The following ARHGAP15 variants were observed in gnomAD, a reference collection of about 807,000 sequenced individuals.
The protein encoded by ARHGAP15 is rho GTPase-activating protein 15.
A neutral mutation model predicts 63.7 loss-of-function variants in ARHGAP15; 51 were observed. The ratio of observed to expected loss-of-function variants is 0.80; its 90% CI spans 0.64 to 1.01. The LOEUF is 1.01. ARHGAP15 is among the 50% of genes least tolerant of loss of function. ARHGAP15 has a pLI of 0.00. For missense variants in ARHGAP15, 560 were observed against 564.6 expected, an observed-to-expected ratio of 0.99 and a Z score of 0.08; for synonymous variants, 191 against 193.8, an observed-to-expected ratio of 0.99 and a Z score of 0.12.
chr2:143,284,277 G>T (rs767554458), intron 6 of ARHGAP15, among the ~76,000 whole-genome samples: 1 of 152,122 alleles, frequency 6.6e-6, no homozygotes, highest in Non-Finnish European at 1.5e-5. Context: ...TTTACTCAGC[G>T]CCACCTAATG....
intron 11 of ARHGAP15, among the ~76,000 whole-genome samples, chr2:143,605,534 A>G (rs1697954112): frequency 6.6e-6 from 1 of 152,134 alleles, no homozygotes; most frequent in African/African-American, 2.4e-5. Flanking sequence ...AAAACAAGAC[A>G]GATACCCCAG....
chr2:143,359,214 T>G lies in ARHGAP15; in HGVS notation c.475-76387T>G, dbSNP rs568832252. On this transcript the variant is annotated intron_variant, in intron 6 of 13. Transcript: ENST00000295095. ...AGTCCTCATTATCTTAGGCAATACTTTTTTCTTGCAAATGATTCTTAGGCA... is the reference window on the plus strand; with the variant it reads ...AGTCCTCATTATCTTAGGCAATACTGTTTTCTTGCAAATGATTCTTAGGCA... Among the ~76,000 whole-genome samples, 3 of 152,288 alleles carry G rather than the reference T, an allele frequency of 2.0e-5. No homozygotes were observed. In the East Asian group the frequency reaches 5.8e-4, roughly 29 times the overall value.
intron 6 of ARHGAP15, among the ~76,000 whole-genome samples, chr2:143,429,039 T>C (rs1689261295): frequency 6.6e-6 from 1 of 152,156 alleles, no homozygotes; most frequent in African/African-American, 2.4e-5. Context: ...TTGATTAGTC[T>C]CTTTTTGAGT....
intron 13 of ARHGAP15, among the ~76,000 whole-genome samples, chr2:143,743,444 G>A (rs1686036382): frequency 6.6e-6 from 1 of 152,140 alleles, no homozygotes; most frequent in South Asian, 2.1e-4. Context: ...TACTGATGGT[G>A]TTCTATTGAC....
At chr2:143,261,325 CTTTTTTT>C (rs534351317) in intron 6 of ARHGAP15, among the ~76,000 whole-genome samples, 2 of 89,526 alleles carry the variant, frequency 2.2e-5, no homozygotes, top group African/African-American at 5.1e-5. Flanking sequence ...GAGGAATGAC[CTTTTTTT>C]TTTTTTTTTT....
chr2:143,169,017 A>G (rs958595720), intron 2 of ARHGAP15, among the ~76,000 whole-genome samples: 1 of 152,064 alleles, frequency 6.6e-6, no homozygotes, highest in African/African-American at 2.4e-5. Context: ...CACATGAGGA[A>G]GATAATGCTA....
chr2:143,736,706 A>G (rs192399159), intron 13 of ARHGAP15, among the ~76,000 whole-genome samples: 1 of 152,352 alleles, frequency 6.6e-6, no homozygotes, highest in African/African-American at 2.4e-5. Flanking sequence ...TGTATATCAA[A>G]TGAGATAATG....
intron 6 of ARHGAP15, among the ~76,000 whole-genome samples, chr2:143,366,405 G>T (rs1686294564): frequency 6.6e-6 from 1 of 151,942 alleles, no homozygotes; most frequent in African/African-American, 2.4e-5. Context: ...AATTTTCTTA[G>T]TTTCTAGTTA....
At chr2:143,383,702 C>G (rs1031038577) in intron 6 of ARHGAP15, among the ~76,000 whole-genome samples, 1 of 152,162 alleles carries the variant, frequency 6.6e-6, no homozygotes, top group African/African-American at 2.4e-5. Flanking sequence ...GCCACTTGTT[C>G]AGTCAAAACC....
At chr2:143,608,204 G>C (rs565590867) in intron 11 of ARHGAP15, 1 of 152,096 alleles carries the variant, frequency 6.6e-6, no homozygotes, top group African/African-American at 2.4e-5. Flanking sequence ...AAAGGACTTC[G>C]GCCGTTAAGA....
At chr2:143,738,034 C>T (rs1403807813) in intron 13 of ARHGAP15, among the ~76,000 whole-genome samples, 2 of 152,018 alleles carry the variant, frequency 1.3e-5, no homozygotes, top group Admixed American at 6.5e-5. Flanking sequence ...GAAACCTGTT[C>T]GTTTACTGCA....
At chr2:143,709,256 G>C (rs1057336336) in intron 13 of ARHGAP15, among the ~76,000 whole-genome samples, 1 of 152,156 alleles carries the variant, frequency 6.6e-6, no homozygotes, top group South Asian at 2.1e-4. Context: ...AATTTGTGAG[G>C]GGGGTGTAAG....
At chr2:143,322,529 TAAC>T (rs1393132660) in intron 6 of ARHGAP15, among the ~76,000 whole-genome samples, 2 of 152,300 alleles carry the variant, frequency 1.3e-5, no homozygotes, top group African/African-American at 4.8e-5. Context: ...AATAATGTAA[TAAC>T]AACAAAAGGG....
At chr2:143,703,378 CTTG>C (rs777648469) in intron 12 of ARHGAP15, 38 bp from the exon 13 acceptor site, 1 of 1,557,806 alleles carries the variant, frequency 6.4e-7, no homozygotes, top group Non-Finnish European at 8.7e-7. Flanking sequence ...CCTATGAAAT[CTTG>C]TTTTTTCCCT....
intron 6 of ARHGAP15, among the ~76,000 whole-genome samples, chr2:143,394,711 T>C (rs1687684571): frequency 6.6e-6 from 1 of 152,150 alleles, no homozygotes; most frequent in Non-Finnish European, 1.5e-5. Flanking sequence ...TATGGTAAAG[T>C]ACAAAGAATC....
At chr2:143,500,900 A>C (rs11687041) in intron 9 of ARHGAP15, among the ~76,000 whole-genome samples, 40,294 of 152,126 alleles carry the variant, frequency 0.26, 6,130 homozygotes, top group East Asian at 0.7. Flanking sequence ...GATTTTTTAA[A>C]ATCTATCCAT....
At chr2:143,446,661 G>C (rs557228303) in intron 8 of ARHGAP15, among the ~76,000 whole-genome samples, 2 of 151,482 alleles carry the variant, frequency 1.3e-5, no homozygotes, top group East Asian at 3.9e-4. Flanking sequence ...AAGTTTTAGG[G>C]TACATGTGCA....
intron 6 of ARHGAP15, among the ~76,000 whole-genome samples, chr2:143,274,975 A>G (rs1681471483): frequency 6.6e-6 from 1 of 151,486 alleles, no homozygotes; most frequent in Non-Finnish European, 1.5e-5. Context: ...AGCCTGGACA[A>G]CATGGTGAAA....
At chr2:143,612,536 T>C (rs1367645054) in intron 11 of ARHGAP15, among the ~76,000 whole-genome samples, 3 of 152,184 alleles carry the variant, frequency 2.0e-5, no homozygotes, top group Admixed American at 6.5e-5. Context: ...ACGTTTCATC[T>C]GTCACCTGTC....
Sources: gnomAD v4.1 joint callset for allele counts (sites outside exome capture counted in the v4.1 genomes callset) on GRCh38, gnomAD v4.1.1 for gene constraint, MANE v1.5 for transcripts, NCBI Gene and HGNC (gene_info 2026-07-23, HGNC 2026-07-21) for gene names.